Variants in NHSL2 observed in about 807,000 individuals in gnomAD.
NHSL2 encodes NHS-like protein 2.
Under a neutral mutation model 53.4 loss-of-function variants are expected in NHSL2, and 27 were observed. That is an observed-to-expected ratio of 0.51 (90% CI 0.37 to 0.70). The LOEUF is 0.70. Ranked by LOEUF, NHSL2 falls within the 30% of genes least tolerant of loss-of-function variation. The probability of loss-of-function intolerance (pLI) is 0.00; values close to 1 mark genes in which losing one functional copy is unlikely to be tolerated. For synonymous variants in NHSL2, 408 were observed against 404.1 expected (o/e 1.01, Z -0.12); for missense variants, 892 against 980.1 (o/e 0.91, Z 1.20).
intron 1 of NHSL2, among the ~76,000 whole-genome samples, chrX:72,110,724 TAAAAAAAAAAAAAA>T (rs56082929): frequency 2.1e-5 from 1 of 46,776 alleles, no homozygotes; most frequent in Non-Finnish European, 3.7e-5. Context: ...TCCTCCCACC[TAAAAAAAAAAAAAA>T]AAAAAAAAAA....
chrX:72,070,103 T>C (rs2042458240), intron 1 of NHSL2, among the ~76,000 whole-genome samples: 1 of 111,671 alleles, frequency 9.0e-6, no homozygotes, highest in Non-Finnish European at 1.9e-5. Flanking sequence ...CTTGGAACCA[T>C]GCATGGCTTA....
chrX:71,995,299 C>T (rs916902136), intron 1 of NHSL2, among the ~76,000 whole-genome samples: 2 of 112,230 alleles, frequency 1.8e-5, no homozygotes, highest in African/African-American at 6.5e-5. Context: ...GCTCTACTCT[C>T]AGCACAACAG....
intron 1 of NHSL2, among the ~76,000 whole-genome samples, chrX:72,047,000 G>A (rs1602329882): frequency 8.9e-6 from 1 of 112,155 alleles, no homozygotes; most frequent in African/African-American, 3.3e-5. Flanking sequence ...ATAAGTGGCA[G>A]AGCCGGAATT....
rs770655619 is a variant in NHSL2, at chrX:72,146,222, G to A, written c.*2648G>A. 8.9e-6 allele frequency: 1 copy of A among 112,274 alleles called. No individual in the cohort carries two copies. Among genetic ancestry groups the A allele is most frequent in the South Asian group, 3.7e-4 (1 of 2,720 alleles). The allele number at this position is 112,274 out of a possible 1,213,427, so 9.3% of individuals were successfully genotyped here. On this transcript the variant is annotated 3_prime_UTR_variant, in exon 8 of 8. Transcript: ENST00000633930. ...TGGCCTCATTTAATATTTTGCAACA[G>A]GTAGACGTCCCAAATAAACAACCAA...
chrX:72,023,000 G>A (rs1332680938), intron 1 of NHSL2, among the ~76,000 whole-genome samples: 1 of 112,295 alleles, frequency 8.9e-6, no homozygotes, highest in Non-Finnish European at 1.9e-5. Flanking sequence ...GTCTTCATAA[G>A]TAAACTCTAA....
chrX:72,001,679 C>T (rs1443131178), intron 1 of NHSL2, among the ~76,000 whole-genome samples: 2 of 111,707 alleles, frequency 1.8e-5, no homozygotes, highest in Non-Finnish European at 3.8e-5. Flanking sequence ...ATCTCTTCAC[C>T]GCTTGTGAGC....
In NHSL2 at chrX:71,923,047, A is replaced by G. The variant is rs764275827; in HGVS notation, c.280+11680A>G. On this transcript the variant is annotated intron_variant, in intron 1 of 7. Transcript: ENST00000633930. ...GTGTCTGTAGCTTCCAGACTACCTA[A>G]TGCACATGGGGTGTGGGGTCATGAG... 8.0e-5 allele frequency among the ~76,000 whole-genome samples: 9 copies of G among 112,285 alleles called. No homozygotes were observed. The East Asian group carries it at 2.5e-3, about 31-fold the overall frequency.
At chrX:72,083,755 T>C (rs1323495315) in intron 1 of NHSL2, among the ~76,000 whole-genome samples, 1 of 112,132 alleles carries the variant, frequency 8.9e-6, no homozygotes, top group African/African-American at 3.2e-5. Flanking sequence ...CAGTGGTGCC[T>C]ACATACAGCA....
chrX:72,142,292 G>T lies in NHSL2; in HGVS notation c.3284G>T (p.Trp1095Leu). ...KSLISDKTAE[W>L]IAEDDDDVFV... ...TTAATCAGTGATAAAACAGCTGAAT[G>T]GATTGCAGAGGATGATGATGACGTG... Residue 1095 changes from tryptophan (W) to leucine (L), a missense_variant, in exon 7 of 8, where the codon TGG becomes TTG. Transcript: ENST00000633930. 2 of 1,153,665 alleles carry T rather than the reference G, an allele frequency of 1.7e-6. No individual in the cohort carries two copies. Among genetic ancestry groups the T allele is most frequent in the East Asian group, 6.5e-5 (2 of 30,729 alleles).
chrX:72,073,718 G>A (rs747369723), intron 1 of NHSL2, among the ~76,000 whole-genome samples: 3 of 112,478 alleles, frequency 2.7e-5, no homozygotes, highest in Non-Finnish European at 3.8e-5. Context: ...GGAAGTTGTA[G>A]AGCCAGGATT....
chrX:72,140,795 T>C (rs2042412772), intron 6 of NHSL2, 24 bp downstream of exon 6: 2 of 1,118,343 alleles, frequency 1.8e-6, no homozygotes, highest in Non-Finnish European at 2.4e-6. Context: ...CTGCTGGCTT[T>C]TTCCTTCAGT....
chrX:71,928,349 G>A (rs2041695784), intron 1 of NHSL2, among the ~76,000 whole-genome samples: 1 of 112,182 alleles, frequency 8.9e-6, no homozygotes, highest in Non-Finnish European at 1.9e-5. Context: ...CCTGAAAAGG[G>A]GGAAATATGG....
At chrX:71,918,925 A>G (rs2041642595) in intron 1 of NHSL2, among the ~76,000 whole-genome samples, 1 of 112,384 alleles carries the variant, frequency 8.9e-6, no homozygotes, top group Admixed American at 9.4e-5. Context: ...TTATAAGGCT[A>G]CATGGAAATG....
chrX:72,082,414 C>T (rs2041800329), intron 1 of NHSL2, among the ~76,000 whole-genome samples: 2 of 111,788 alleles, frequency 1.8e-5, no homozygotes, highest in African/African-American at 6.5e-5. Flanking sequence ...AGCAGGAGTC[C>T]AGGAGGCAAA....
At chrX:71,963,157 C>A (rs982242493) in intron 1 of NHSL2, among the ~76,000 whole-genome samples, 2 of 110,556 alleles carry the variant, frequency 1.8e-5, no homozygotes, top group Non-Finnish European at 3.8e-5. Flanking sequence ...ATTTTTCTGG[C>A]GTCTTGAGGT....
chrX:71,976,346 C>T (rs1232111405), intron 1 of NHSL2, among the ~76,000 whole-genome samples: 1 of 111,754 alleles, frequency 8.9e-6, no homozygotes, highest in East Asian at 2.8e-4. Context: ...TATACCTCCT[C>T]ATAGGCCTGT....
chrX:72,062,122 G>A (rs1030448445), intron 1 of NHSL2, among the ~76,000 whole-genome samples: 1 of 112,459 alleles, frequency 8.9e-6, no homozygotes, highest in Non-Finnish European at 1.9e-5. Context: ...GAGGTAGGTA[G>A]AGCATTGAGA....
chrX:72,144,552 G>GC lies in NHSL2; in HGVS notation c.*984dup, dbSNP rs901643979. On this transcript the variant is annotated 3_prime_UTR_variant, in exon 8 of 8. Coordinates refer to ENST00000633930, the MANE Select transcript of NHSL2 (RefSeq NM_001013627.3). ...GGATAATGGAAAGTAAGTGCATCTT[G>GC]CCCCCCACCAGTCAATTCAGATCGT... 2.9e-6 allele frequency: 3 copies of GC among 1,022,116 alleles called. No individual in the cohort carries two copies. Among genetic ancestry groups the GC allele is most frequent in the Middle Eastern group, 2.9e-4 (1 of 3,424 alleles). The allele number at this position is 1,022,116 out of a possible 1,213,427, so 84.2% of individuals were successfully genotyped here. A position where few individuals can be genotyped will look rare whatever the true frequency, so the allele number is the denominator to read the frequency against.
intron 1 of NHSL2, among the ~76,000 whole-genome samples, chrX:72,093,621 T>A (rs1222900985): frequency 8.9e-6 from 1 of 112,625 alleles, no homozygotes; most frequent in East Asian, 2.8e-4. Context: ...ATGTTGAGGA[T>A]GCTTCCATTT....
Sources: allele counts gnomAD v4.1 joint callset (sites outside exome capture counted in the v4.1 genomes callset), GRCh38; gene constraint gnomAD v4.1.1; transcripts MANE v1.5; gene names NCBI Gene and HGNC (gene_info 2026-07-23, HGNC 2026-07-21).